FAM185A: variants seen among roughly 807,000 people sequenced by gnomAD.
The protein encoded by FAM185A is protein FAM185A.
In FAM185A, 21 loss-of-function variants were observed where a neutral mutation model predicts 45.7. The observed-to-expected ratio is 0.46, with a 90% CI of 0.33 to 0.66. FAM185A has a LOEUF of 0.66. FAM185A is among the 30% of genes least tolerant of loss of function. The pLI, the probability that FAM185A is intolerant of heterozygous loss-of-function variation, is 0.03. For synonymous variants in FAM185A, 117 were observed against 194.0 expected, an observed-to-expected ratio of 0.60 and a Z score of 3.30; for missense variants, 305 against 485.4, an observed-to-expected ratio of 0.63 and a Z score of 3.49.
chr7:102,805,736 T>C (rs1033832895), intron 7 of FAM185A, among the ~76,000 whole-genome samples: 2 of 152,094 alleles, frequency 1.3e-5, no homozygotes, highest in Non-Finnish European at 2.9e-5. Flanking sequence ...GCAGAGGTTA[T>C]AGGCAAAGTC....
intron 4 of FAM185A, among the ~76,000 whole-genome samples, chr7:102,767,715 A>T (rs1562852398): frequency 6.6e-6 from 1 of 152,144 alleles, no homozygotes; most frequent in Non-Finnish European, 1.5e-5. Context: ...TAATTTATAC[A>T]TCCATCTGGC....
chr7:102,800,772 TGAGG>T (rs1253364541), intron 7 of FAM185A, among the ~76,000 whole-genome samples: 1 of 152,142 alleles, frequency 6.6e-6, no homozygotes, highest in African/African-American at 2.4e-5. Context: ...TTGGTGTTCC[TGAGG>T]AAGAAGAGAA....
At chr7:102,806,638 T>G (rs1413784677) in intron 7 of FAM185A, among the ~76,000 whole-genome samples, 1 of 152,218 alleles carries the variant, frequency 6.6e-6, no homozygotes, top group Non-Finnish European at 1.5e-5. Context: ...TGTCTCAATT[T>G]GACTGGTTTC....
chr7:102,786,274 G>A (rs1370469649), intron 6 of FAM185A, among the ~76,000 whole-genome samples: 2 of 152,208 alleles, frequency 1.3e-5, no homozygotes, highest in Non-Finnish European at 2.9e-5. Flanking sequence ...TCAGTGTAGC[G>A]ATTCCTCAGG....
chr7:102,832,786 G>T, the FAM185A span: 1 of 1,607,680 alleles, frequency 6.2e-7, no homozygotes. Flanking sequence ...GTCCTGCCTT[G>T]TCCCTTGGCA....
At chr7:102,755,863 T>G (rs1584274014) in intron 2 of FAM185A, 1 of 654,486 alleles carries the variant, frequency 1.5e-6, no homozygotes, top group African/African-American at 1.8e-5. Context: ...GGCAATGTCC[T>G]GGGTCCCAAG....
intron 7 of FAM185A, among the ~76,000 whole-genome samples, chr7:102,797,355 C>T (rs1030143870): frequency 2.1e-4 from 32 of 151,262 alleles, no homozygotes; most frequent in African/African-American, 7.0e-4. Context: ...CCCAGCTACT[C>T]GGGAGGCTGA....
intron 6 of FAM185A, among the ~76,000 whole-genome samples, chr7:102,787,010 G>T (rs1795846471): frequency 6.6e-6 from 1 of 152,120 alleles, no homozygotes; most frequent in Non-Finnish European, 1.5e-5. Context: ...AATGCTCAAT[G>T]GCAAATCCTA....
At chr7:102,847,324 C>G in the FAM185A span, among the ~76,000 whole-genome samples, 50 of 152,120 alleles carry the variant, frequency 3.3e-4, no homozygotes, top group African/African-American at 1.2e-3. Flanking sequence ...GAAAATGTGG[C>G]CATGTAAGAG....
intron 7 of FAM185A, among the ~76,000 whole-genome samples, chr7:102,788,430 G>A (rs1368443840): frequency 6.6e-6 from 1 of 152,130 alleles, no homozygotes; most frequent in African/African-American, 2.4e-5. Context: ...GAAGAATTGG[G>A]GAGTAGGGGA....
the FAM185A span, among the ~76,000 whole-genome samples, chr7:102,833,141 T>C: frequency 3.3e-5 from 5 of 152,230 alleles, no homozygotes; most frequent in Non-Finnish European, 7.3e-5. Flanking sequence ...AACATCTGTT[T>C]ATAGCAAAAG....
Position 102,777,696 on chromosome 7 carries a change from TG to T in FAM185A, c.931+350del, listed in dbSNP as rs1251601269. 2.6e-5 allele frequency among the ~76,000 whole-genome samples: 4 copies of T among 152,282 alleles called. No individual in the cohort carries two copies. The East Asian group carries it at 7.7e-4, about 29-fold the overall frequency. On this transcript the variant is annotated intron_variant, in intron 6 of 7. Coordinates refer to ENST00000413034, the MANE Select transcript of FAM185A (RefSeq NM_001145268.2). ...GGAAAAACGCTGCCATACACTCTTT[TG>T]GAAGCTTCTCTGCCAGCCTGTAAAA... is the stretch of plus-strand genomic sequence containing the variant.
intron 4 of FAM185A, among the ~76,000 whole-genome samples, chr7:102,769,212 G>T (rs1794593984): frequency 6.6e-6 from 1 of 151,940 alleles, no homozygotes; most frequent in Non-Finnish European, 1.5e-5. Flanking sequence ...ATGGGTTTTT[G>T]TTGTTGTTGC....
intron 7 of FAM185A, among the ~76,000 whole-genome samples, chr7:102,802,042 C>T (rs1796832609): frequency 6.6e-6 from 1 of 151,938 alleles, no homozygotes; most frequent in Non-Finnish European, 1.5e-5. Context: ...ATTTATAAAA[C>T]AGTTACTAAT....
chr7:102,753,924 A>G (rs1176868911), intron 2 of FAM185A, among the ~76,000 whole-genome samples: 7 of 152,168 alleles, frequency 4.6e-5, no homozygotes, highest in Admixed American at 4.6e-4. Context: ...AAATCATGAA[A>G]TATCAGTTCT....
chr7:102,835,344 C>T, the FAM185A span, among the ~76,000 whole-genome samples: 1 of 152,102 alleles, frequency 6.6e-6, no homozygotes, highest in East Asian at 1.9e-4. Flanking sequence ...CAAGGAGGTA[C>T]AGAAAGGAAT....
chr7:102,809,336 T>A (rs1454975686), downstream of FAM185A: 1 of 152,236 alleles, frequency 6.6e-6, no homozygotes, highest in African/African-American at 2.4e-5. Context: ...TATAAAGGTA[T>A]ACTGTATAAA....
At chr7:102,786,023 T>A (rs1487124193) in intron 6 of FAM185A, among the ~76,000 whole-genome samples, 1 of 152,058 alleles carries the variant, frequency 6.6e-6, no homozygotes, top group East Asian at 1.9e-4. Context: ...GGACAAAGGA[T>A]ATGAACAGAC....
intron 2 of FAM185A, among the ~76,000 whole-genome samples, chr7:102,754,275 A>C (rs1249689611): frequency 6.6e-6 from 1 of 151,872 alleles, no homozygotes; most frequent in African/African-American, 2.4e-5. Context: ...ATCTTGGCTC[A>C]CTGCAACCTC....
Sources: gnomAD v4.1 joint callset for allele counts (sites outside exome capture counted in the v4.1 genomes callset) on GRCh38, gnomAD v4.1.1 for gene constraint, MANE v1.5 for transcripts, NCBI Gene and HGNC (gene_info 2026-07-23, HGNC 2026-07-21) for gene names.